The following KCNH8 variants were observed in gnomAD, a reference collection of about 807,000 sequenced individuals.
KCNH8 encodes the protein voltage-gated delayed rectifier potassium channel KCNH8.
A neutral mutation model predicts 103.6 loss-of-function variants in KCNH8; 70 were observed. The observed-to-expected ratio is 0.68, with a 90% CI of 0.56 to 0.82. The LOEUF (loss-of-function observed/expected upper bound fraction) is 0.82, where lower values mean the gene tolerates loss of function less well. Ranked by LOEUF, KCNH8 falls within the 40% of genes least tolerant of loss-of-function variation. KCNH8 has a pLI of 0.00. For synonymous variants in KCNH8, 498 were observed against 489.4 expected, an observed-to-expected ratio of 1.02 and a Z score of -0.23; for missense variants, 1,217 against 1,329.9, an observed-to-expected ratio of 0.92 and a Z score of 1.32.
intron 11 of KCNH8, among the ~76,000 whole-genome samples, chr3:19,505,994 G>A (rs1011349067): frequency 2.6e-5 from 4 of 152,134 alleles, no homozygotes; most frequent in Non-Finnish European, 5.9e-5. Flanking sequence ...AATTCTTGTA[G>A]TGTGTTTTTC....
chr3:19,264,772 G>T (rs1056880199), intron 2 of KCNH8, among the ~76,000 whole-genome samples: 13 of 152,174 alleles, frequency 8.5e-5, no homozygotes, highest in African/African-American at 3.1e-4. Flanking sequence ...CTTTGCCTGT[G>T]TTGTTGCTTC....
chr3:19,471,131 C>A (rs1197565383), intron 11 of KCNH8, among the ~76,000 whole-genome samples: 1 of 152,126 alleles, frequency 6.6e-6, no homozygotes, highest in East Asian at 1.9e-4. Context: ...GAAAAGGCCA[C>A]CTGCCATACC....
chr3:19,378,582 A>T (rs1327068066), intron 5 of KCNH8, among the ~76,000 whole-genome samples: 1 of 152,210 alleles, frequency 6.6e-6, no homozygotes, highest in Non-Finnish European at 1.5e-5. Flanking sequence ...TGGGAATGTT[A>T]TGATTTGAAT....
At chr3:19,459,317 T>A (rs1216994534) in intron 11 of KCNH8, among the ~76,000 whole-genome samples, 3 of 152,040 alleles carry the variant, frequency 2.0e-5, no homozygotes, top group African/African-American at 4.8e-5. Flanking sequence ...TTAATTTGCA[T>A]TTTCCTAATG....
chr3:19,178,658 A>T (rs1370271243), intron 1 of KCNH8, among the ~76,000 whole-genome samples: 1 of 152,184 alleles, frequency 6.6e-6, no homozygotes, highest in Non-Finnish European at 1.5e-5. Flanking sequence ...GTCCTCCAGC[A>T]GGTTTTACTG....
intron 7 of KCNH8, among the ~76,000 whole-genome samples, chr3:19,426,191 T>C (rs2125161353): frequency 6.6e-6 from 1 of 152,242 alleles, no homozygotes; most frequent in South Asian, 2.1e-4. Flanking sequence ...GCTCCTGCTG[T>C]GCTCTGGTGT....
intron 3 of KCNH8, among the ~76,000 whole-genome samples, chr3:19,329,325 A>C (rs147107049): frequency 5.3e-5 from 8 of 152,322 alleles, no homozygotes; most frequent in African/African-American, 1.9e-4. Flanking sequence ...TGATATTACT[A>C]TAACTTTATC....
intron 11 of KCNH8, among the ~76,000 whole-genome samples, chr3:19,499,564 G>A (rs1470549063): frequency 6.6e-6 from 1 of 152,040 alleles, no homozygotes; most frequent in African/African-American, 2.4e-5. Flanking sequence ...CCCTCAAAGG[G>A]TAACAGCAGA....
intron 3 of KCNH8, among the ~76,000 whole-genome samples, chr3:19,303,384 T>G (rs1033960036): frequency 1.3e-5 from 2 of 152,090 alleles, no homozygotes; most frequent in African/African-American, 4.8e-5. Flanking sequence ...CAGATGAGTG[T>G]GAATTGACTT....
At chr3:19,195,126 A>C (rs1424759162) in intron 1 of KCNH8, among the ~76,000 whole-genome samples, 1 of 151,796 alleles carries the variant, frequency 6.6e-6, no homozygotes, top group Non-Finnish European at 1.5e-5. Flanking sequence ...ATAGTATAGG[A>C]ACACTTGAAA....
At chr3:19,170,584 CTATATATATA>C (rs113772694) in intron 1 of KCNH8, among the ~76,000 whole-genome samples, 6 of 114,038 alleles carry the variant, frequency 5.3e-5, no homozygotes, top group Admixed American at 4.5e-4. Context: ...CTTGGGGCAT[CTATATATATA>C]TATATATATA....
At chr3:19,414,299 T>C (rs1381475075) in intron 7 of KCNH8, among the ~76,000 whole-genome samples, 1 of 152,042 alleles carries the variant, frequency 6.6e-6, no homozygotes, top group Non-Finnish European at 1.5e-5. Flanking sequence ...TACTGATAAG[T>C]AGGAAAATAT....
At chr3:19,438,718 G>A (rs2125172010) in intron 8 of KCNH8, among the ~76,000 whole-genome samples, 1 of 152,220 alleles carries the variant, frequency 6.6e-6, no homozygotes, top group East Asian at 1.9e-4. Flanking sequence ...CATTTGCCCT[G>A]CCCACTAGGA....
At chr3:19,210,240 G>C (rs2063756818) in intron 1 of KCNH8, among the ~76,000 whole-genome samples, 1 of 152,060 alleles carries the variant, frequency 6.6e-6, no homozygotes, top group African/African-American at 2.4e-5. Flanking sequence ...AAAGATCAGA[G>C]ATGGACCAGC....
rs34298038 is a variant in KCNH8, at chr3:19,238,986, GACTA to G, written c.77-14662_77-14659del. 8.5e-3 allele frequency among the ~76,000 whole-genome samples: 1,287 copies of G among 152,224 alleles called. 15 individuals are homozygous for G. The highest frequency in any genetic ancestry group is 0.013 in the African/African-American group (559 of 41,540). ...AACGTATGTAATTATTAGAATACAG[GACTA>G]ACTAAGTAATTTTTGATATATTGAT... On this transcript the variant is annotated intron_variant, in intron 1 of 15. Coordinates refer to ENST00000328405, the MANE Select transcript of KCNH8 (RefSeq NM_144633.3).
rs559985122 is a variant in KCNH8, at chr3:19,393,513, T to A, written c.970-1591T>A. Among the ~76,000 whole-genome samples the A allele has an allele frequency of 1.6e-4, 24 of 152,176 alleles. No individual in the cohort carries two copies. The South Asian group carries it at 4.8e-3, about 30-fold the overall frequency. On this transcript the variant is annotated intron_variant, in intron 6 of 15. Coordinates refer to ENST00000328405, the MANE Select transcript of KCNH8 (RefSeq NM_144633.3). ...ACTGTATCAAAATTATGTGTGCAGA[T>A]GCCCTCCTCCATTTGGGACTTCCGT... is the stretch of plus-strand genomic sequence containing the variant.
chr3:19,405,449 C>T (rs1307503087), intron 7 of KCNH8, among the ~76,000 whole-genome samples: 2 of 151,674 alleles, frequency 1.3e-5, no homozygotes, highest in African/African-American at 2.4e-5. Flanking sequence ...TAATAAATTT[C>T]TCCCTGACTT....
intron 5 of KCNH8, among the ~76,000 whole-genome samples, chr3:19,362,965 T>A (rs889558318): frequency 6.6e-6 from 1 of 152,280 alleles, no homozygotes; most frequent in African/African-American, 2.4e-5. Context: ...TTGGTTTGTT[T>A]TAATATCTAC....
Position 19,419,187 on chromosome 3 carries a change from TGGTTTTG to T in KCNH8, c.1178-18975_1178-18969del, listed in dbSNP as rs760783512. ...TAGTCACAAAAAGAAGTAATTAAAATGGTTTTGGTTTTTTTTTTTTTTTTTTTTTTGA... is the reference window on the plus strand; with the variant it reads ...TAGTCACAAAAAGAAGTAATTAAAATGTTTTTTTTTTTTTTTTTTTTTTGA... On this transcript the variant is annotated intron_variant, in intron 7 of 15. Transcript: ENST00000328405. 1.9e-3 allele frequency among the ~76,000 whole-genome samples: 236 copies of T among 121,150 alleles called. 23 individuals are homozygous for T. Among genetic ancestry groups the T allele is most frequent in the African/African-American group, 6.9e-3 (221 of 31,904 alleles). 79.5% of individuals were successfully genotyped at this position (121,150 alleles called of 152,430 possible).
Sources: gnomAD v4.1 joint callset for allele counts (sites outside exome capture counted in the v4.1 genomes callset) on GRCh38, gnomAD v4.1.1 for gene constraint, MANE v1.5 for transcripts, NCBI Gene and HGNC (gene_info 2026-07-23, HGNC 2026-07-21) for gene names.